The following PAPPA variants were observed in gnomAD, a reference collection of about 807,000 sequenced individuals.
PAPPA encodes pappalysin-1.
In PAPPA, 60 loss-of-function variants were observed where a neutral mutation model predicts 164.0. The ratio of observed to expected loss-of-function variants is 0.37; its 90% CI spans 0.30 to 0.45. The LOEUF (loss-of-function observed/expected upper bound fraction) is 0.45, where lower values mean the gene tolerates loss of function less well. Among genes scored for constraint, PAPPA ranks in the 20% least tolerant of loss-of-function variants. The pLI is 1.00. For synonymous variants in PAPPA, 875 were observed against 814.1 expected, an observed-to-expected ratio of 1.07 and a Z score of -1.27; for missense variants, 1,782 against 2,087.3, an observed-to-expected ratio of 0.85 and a Z score of 2.85.
chr9:116,294,935 A>G (rs1845482897), intron 9 of PAPPA, among the ~76,000 whole-genome samples: 1 of 152,218 alleles, frequency 6.6e-6, no homozygotes, highest in Non-Finnish European at 1.5e-5. Flanking sequence ...ATTTGCAAGA[A>G]ATTTAGAAAG....
intron 7 of PAPPA, among the ~76,000 whole-genome samples, chr9:116,252,598 C>T (rs966526375): frequency 2.6e-5 from 4 of 152,178 alleles, no homozygotes; most frequent in African/African-American, 9.7e-5. Flanking sequence ...TTCAGTATCT[C>T]AACTACCCTT....
At chr9:116,183,360 T>A (rs1843930131) in intron 1 of PAPPA, among the ~76,000 whole-genome samples, 1 of 152,176 alleles carries the variant, frequency 6.6e-6, no homozygotes, top group Non-Finnish European at 1.5e-5. Flanking sequence ...AGCTCTTAAA[T>A]TCTAGCAAGG....
chr9:116,240,737 T>C (rs1564195877), intron 7 of PAPPA, among the ~76,000 whole-genome samples: 2 of 152,202 alleles, frequency 1.3e-5, no homozygotes, highest in Non-Finnish European at 2.9e-5. Flanking sequence ...GATTATAGTT[T>C]ACAGCTATCA....
At chr9:116,374,790 G>A (rs16933465) in intron 19 of PAPPA, among the ~76,000 whole-genome samples, 1 of 152,168 alleles carries the variant, frequency 6.6e-6, no homozygotes, top group Non-Finnish European at 1.5e-5. Context: ...ATTTTGACTG[G>A]GAACAGACTC....
chr9:116,393,915 T>G (rs1481062742), intron 21 of PAPPA, among the ~76,000 whole-genome samples: 1 of 152,186 alleles, frequency 6.6e-6, no homozygotes, highest in South Asian at 2.1e-4. Flanking sequence ...CTTGAACTTG[T>G]GGTAAGGACT....
intron 17 of PAPPA, among the ~76,000 whole-genome samples, chr9:116,354,599 C>T (rs1364285185): frequency 6.6e-6 from 1 of 151,904 alleles, no homozygotes; most frequent in Non-Finnish European, 1.5e-5. Flanking sequence ...ATTCTGAATC[C>T]CTCTCACTCC....
intron 6 of PAPPA, among the ~76,000 whole-genome samples, chr9:116,231,998 C>G (rs1046029669): frequency 6.6e-6 from 1 of 151,918 alleles, no homozygotes; most frequent in Non-Finnish European, 1.5e-5. Context: ...AAGTGATCTG[C>G]CTGCCTAGGC....
At position 116,344,552 on chromosome 9, in the gene PAPPA, C is replaced by T. The variant is rs1846181631; in HGVS notation, c.3621C>T (p.His1207=). The T allele has an allele frequency of 1.2e-6, 2 of 1,613,232 alleles. No homozygotes were observed. Among genetic ancestry groups the T allele is most frequent in the African/African-American group, 1.3e-5 (1 of 75,046 alleles). ...TYSPAEQSCV[H]FACEKTDCPE... is the part of the protein sequence containing the mutation. ...TTTCTTTCCTCCCCAGCTGCGTGCA[C>T]TTCGCATGTGAGAAAACTGACTGTC... is the stretch of plus-strand genomic sequence containing the variant. Residue 1207 remains histidine, a synonymous_variant, in exon 14 of 22, where the codon CAC becomes CAT. Transcript: ENST00000328252.
intron 7 of PAPPA, among the ~76,000 whole-genome samples, chr9:116,261,380 T>A (rs1249941440): frequency 6.6e-6 from 1 of 152,128 alleles, no homozygotes; most frequent in Non-Finnish European, 1.5e-5. Context: ...AGAAGCAAAA[T>A]GTGATGTTTC....
chr9:116,331,899 A>G (rs190311677), intron 11 of PAPPA, among the ~76,000 whole-genome samples: 15 of 152,334 alleles, frequency 9.8e-5, no homozygotes, highest in Non-Finnish European at 1.8e-4. Flanking sequence ...GACATGGAGA[A>G]GTGAAAGATA....
At chr9:116,377,183 CACACACACATGCAA>C (rs1846665026) in intron 19 of PAPPA, among the ~76,000 whole-genome samples, 1 of 151,692 alleles carries the variant, frequency 6.6e-6, no homozygotes, top group South Asian at 2.1e-4. Context: ...CACACATACA[CACACACACATGCAA>C]ACACACACAT....
At chr9:116,328,615 T>C (rs1845950053) in intron 10 of PAPPA, among the ~76,000 whole-genome samples, 1 of 152,214 alleles carries the variant, frequency 6.6e-6, no homozygotes, top group East Asian at 1.9e-4. Flanking sequence ...CAATACTTTT[T>C]GATGCTTTTA....
At chr9:116,305,409 G>T (rs1845633312) in intron 10 of PAPPA, among the ~76,000 whole-genome samples, 1 of 148,526 alleles carries the variant, frequency 6.7e-6, no homozygotes, top group East Asian at 2.1e-4. Flanking sequence ...GATGGGAATT[G>T]TATCATGTGC....
intron 9 of PAPPA, among the ~76,000 whole-genome samples, chr9:116,301,107 T>C (rs1845574891): frequency 1.3e-5 from 2 of 152,086 alleles, no homozygotes; most frequent in African/African-American, 4.8e-5. Flanking sequence ...AGCTCCACTC[T>C]ATTATTTTGT....
chr9:116,372,980 A>G (rs1229339205), intron 19 of PAPPA, among the ~76,000 whole-genome samples: 1 of 152,178 alleles, frequency 6.6e-6, no homozygotes, highest in Non-Finnish European at 1.5e-5. Context: ...CCATCCTGCA[A>G]GGGCAACCCT....
intron 6 of PAPPA, among the ~76,000 whole-genome samples, chr9:116,228,448 A>G (rs1187926170): frequency 6.6e-6 from 1 of 152,086 alleles, no homozygotes; most frequent in Non-Finnish European, 1.5e-5. Flanking sequence ...CTCACTGAAC[A>G]CCAGTGAGAA....
At chr9:116,254,556 G>T (rs1037677960) in intron 7 of PAPPA, among the ~76,000 whole-genome samples, 29 of 152,264 alleles carry the variant, frequency 1.9e-4, no homozygotes, top group African/African-American at 6.7e-4. Context: ...GCCAGGGTGG[G>T]CGGATCACAA....
rs189207105 is a variant in PAPPA at position 116,271,658 on chromosome 9, C to T, written c.2953+242C>T. The stretch of plus-strand genomic sequence containing the variant: ...AAGCTCTCATAGATGATGCCAATGA[C>T]GGGTAACTTCTTTTGATCAAGCTTT... On this transcript the variant is annotated intron_variant, in intron 9 of 21. Coordinates refer to ENST00000328252, the MANE Select transcript of PAPPA (RefSeq NM_002581.5). This position sits in a 1 kb window ranked among gnomAD's most constrained non-coding sequence, Gnocchi z 4.2. 1.8e-4 allele frequency among the ~76,000 whole-genome samples: 27 copies of T among 152,294 alleles called. No homozygotes were observed. In the East Asian group the frequency reaches 2.9e-3, roughly 16 times the overall value.
intron 2 of PAPPA, among the ~76,000 whole-genome samples, chr9:116,203,883 A>G (rs3789285): frequency 0.017 from 2,652 of 152,258 alleles, 63 homozygotes; most frequent in East Asian, 0.11. Context: ...GGCATTCTTA[A>G]GGGTTGGGCA....
Sources: gnomAD v4.1 joint callset for allele counts (sites outside exome capture counted in the v4.1 genomes callset) on GRCh38, gnomAD v4.1.1 for gene constraint, Gnocchi (gnomAD v3.1) non-coding constraint, MANE v1.5 for transcripts, NCBI Gene and HGNC (gene_info 2026-07-23, HGNC 2026-07-21) for gene names.